The following BMP2K variants were observed in gnomAD, a reference collection of about 807,000 sequenced individuals.
The protein encoded by BMP2K is BMP2 inducible kinase.
BMP2K carries 74 observed loss-of-function variants against 116.0 expected under a neutral mutation model. The ratio of observed to expected loss-of-function variants is 0.64; its 90% CI spans 0.53 to 0.77. The LOEUF is 0.77. Ranked by LOEUF, BMP2K falls within the 30% of genes least tolerant of loss-of-function variation. The pLI is 0.00. For synonymous variants in BMP2K, 486 were observed against 502.5 expected (o/e 0.97, Z 0.44); for missense variants, 1,365 against 1,403.6 (o/e 0.97, Z 0.44).
At chr4:78,779,991 G>A (rs936618588) in intron 1 of BMP2K, among the ~76,000 whole-genome samples, 4 of 152,112 alleles carry the variant, frequency 2.6e-5, no homozygotes, top group Middle Eastern at 3.4e-3. Context: ...GAGGGAGAGC[G>A]GTATGTTGGT....
intron 2 of BMP2K, 68 bp from the exon 3 acceptor site, chr4:78,833,514 C>A: frequency 9.4e-7 from 1 of 1,061,446 alleles, no homozygotes; most frequent in Non-Finnish European, 1.4e-6. Flanking sequence ...ATTTAGGCTT[C>A]AAACCATTAC....
chr4:78,869,589 T>C (rs1179164808), intron 10 of BMP2K, among the ~76,000 whole-genome samples: 1 of 152,178 alleles, frequency 6.6e-6, no homozygotes, highest in Non-Finnish European at 1.5e-5. Flanking sequence ...CCTGATCTGA[T>C]CACTATGCAA....
intron 3 of BMP2K, among the ~76,000 whole-genome samples, chr4:78,837,795 C>G (rs1044649445): frequency 2.0e-5 from 3 of 152,120 alleles, no homozygotes; most frequent in African/African-American, 7.2e-5. Context: ...ATGGCCATGC[C>G]TAGCCAATTT....
chr4:78,904,413 C>A (rs1005831087), intron 15 of BMP2K, among the ~76,000 whole-genome samples: 1 of 151,910 alleles, frequency 6.6e-6, no homozygotes, highest in Non-Finnish European at 1.5e-5. Flanking sequence ...TTTGTGTCCT[C>A]TTGACACTTA....
At chr4:78,876,921 T>G (rs191745704) in intron 13 of BMP2K, among the ~76,000 whole-genome samples, 19 of 152,208 alleles carry the variant, frequency 1.2e-4, no homozygotes, top group Admixed American at 1.2e-3. Flanking sequence ...TATAGCTTAT[T>G]GCTCTTACGC....
intron 1 of BMP2K, among the ~76,000 whole-genome samples, chr4:78,807,755 G>A (rs1394658039): frequency 6.6e-6 from 1 of 150,676 alleles, no homozygotes; most frequent in Non-Finnish European, 1.5e-5. Flanking sequence ...TTTCTTTAAT[G>A]TCAATAGTAA....
chr4:78,882,433 A>AATG (rs1179955192), intron 14 of BMP2K, among the ~76,000 whole-genome samples: 1 of 151,710 alleles, frequency 6.6e-6, no homozygotes, highest in Non-Finnish European at 1.5e-5. Flanking sequence ...AGCTTGTCTG[A>AATG]ATGATTTTTT....
intron 1 of BMP2K, among the ~76,000 whole-genome samples, chr4:78,779,120 A>G (rs7676020): frequency 0.019 from 2,955 of 152,254 alleles, 96 homozygotes; most frequent in African/African-American, 0.067. Flanking sequence ...TTATGTTGCA[A>G]AAAGTCACCG....
chr4:78,834,725 T>C (rs1006518420), intron 3 of BMP2K, among the ~76,000 whole-genome samples: 7 of 152,176 alleles, frequency 4.6e-5, no homozygotes, highest in Non-Finnish European at 1.0e-4. Flanking sequence ...TACAGTTTCC[T>C]GAAGGTTGCG....
At chr4:78,831,620 A>G (rs1730207382) in intron 2 of BMP2K, among the ~76,000 whole-genome samples, 2 of 152,136 alleles carry the variant, frequency 1.3e-5, no homozygotes. Flanking sequence ...TTTCACTTTT[A>G]ATATCATGCT....
chr4:78,894,613 C>G (rs1368985957), intron 15 of BMP2K, among the ~76,000 whole-genome samples: 1 of 152,228 alleles, frequency 6.6e-6, no homozygotes, highest in Admixed American at 6.5e-5. Flanking sequence ...TCTGTCCAGA[C>G]CATTAAAATT....
Position 78,911,542 on chromosome 4 carries a change from G to A in BMP2K, c.2995G>A (p.Gly999Ser). ...CAAAAGTAATGGGAAGCGGCATCAT[G>A]GCACGCCAACTAGCACAAAGAAGAC... ...MSKSNGKRHH[G>S]TPTSTKKTLK... Residue 999 changes from glycine (G) to serine (S), a missense_variant, in exon 16 of 16, where the codon GGC becomes AGC. Gly to Ser is a moderately conservative substitution (Grantham distance 56). Coordinates refer to ENST00000502613, the MANE Select transcript of BMP2K (RefSeq NM_198892.2). 6.2e-7 allele frequency: 1 copy of A among 1,614,032 alleles called. No homozygotes were observed. The highest frequency in any genetic ancestry group is 8.5e-7 in the Non-Finnish European group (1 of 1,179,892).
intron 15 of BMP2K, among the ~76,000 whole-genome samples, chr4:78,905,892 AC>A (rs1185232626): frequency 1.3e-5 from 2 of 152,168 alleles, no homozygotes; most frequent in Non-Finnish European, 2.9e-5. Flanking sequence ...GCTAGAGGTC[AC>A]ATTCTAAAGT....
At chr4:78,879,117 T>C in intron 14 of BMP2K, 1 of 1,255,138 alleles carries the variant, frequency 8.0e-7, no homozygotes, top group Non-Finnish European at 1.0e-6. Flanking sequence ...GATAGTATGC[T>C]AATATCCTAA....
chr4:78,782,403 C>T (rs1727546813), intron 1 of BMP2K, among the ~76,000 whole-genome samples: 1 of 152,178 alleles, frequency 6.6e-6, no homozygotes, highest in Admixed American at 6.5e-5. Flanking sequence ...CACAAGTTGG[C>T]CATACCATGA....
chr4:78,911,756 G>A lies in BMP2K; in HGVS notation c.3209G>A (p.Gly1070Asp). 6.2e-7 allele frequency: 1 copy of A among 1,613,966 alleles called. No homozygotes were observed. Among genetic ancestry groups the A allele is most frequent in the Non-Finnish European group, 8.5e-7 (1 of 1,179,876 alleles). Residue 1070 changes from glycine to aspartate, a missense_variant, in exon 16 of 16, where the codon GGT (glycine) becomes GAT (aspartate). Physicochemically the swap from Gly to Asp is moderately conservative, Grantham distance 94 (BLOSUM62 -1). Transcript: ENST00000502613. ...QPEESLLDPF[G>D]AKPFHSPDLS... ...GAGGAGAGCCTGTTGGACCCCTTCGGTGCCAAGCCCTTCCATTCTCCAGAC... is the reference window on the plus strand; with the variant it reads ...GAGGAGAGCCTGTTGGACCCCTTCGATGCCAAGCCCTTCCATTCTCCAGAC...
chr4:78,848,601 A>C (rs1027235071), intron 6 of BMP2K, among the ~76,000 whole-genome samples: 4 of 151,452 alleles, frequency 2.6e-5, no homozygotes, highest in African/African-American at 9.7e-5. Context: ...ATTATTCTCT[A>C]AGCACATGAC....
chr4:78,847,279 A>C lies in BMP2K; in HGVS notation c.750+10A>C, dbSNP rs1016401569. The C allele has an allele frequency of 1.9e-6, 3 of 1,568,326 alleles. 1 individual carries two copies. Among genetic ancestry groups the C allele is most frequent in the Middle Eastern group, 3.4e-4 (2 of 5,858 alleles). On this transcript the variant is annotated intron_variant, in intron 6 of 15. Transcript: ENST00000502613. ...CAAGGCTGATATCTGGGTAAGGCCA[A>C]GAAAGGCTGGAACTTGCTCTAACCA...
chr4:78,885,644 A>G (rs533276154), intron 14 of BMP2K, among the ~76,000 whole-genome samples: 6 of 152,214 alleles, frequency 3.9e-5, no homozygotes, highest in South Asian at 2.1e-4. Context: ...ACAGCTTACC[A>G]TGGAATTCTT....
Sources: allele counts gnomAD v4.1 joint callset (sites outside exome capture counted in the v4.1 genomes callset), GRCh38; gene constraint gnomAD v4.1.1; transcripts MANE v1.5; gene names NCBI Gene and HGNC (gene_info 2026-07-23, HGNC 2026-07-21).